DLGAP2: variants seen among roughly 807,000 people sequenced by gnomAD.
DLGAP2 encodes the protein DLG associated protein 2.
In DLGAP2, 26 loss-of-function variants were observed where a neutral mutation model predicts 100.3. The ratio of observed to expected loss-of-function variants is 0.26; its 90% CI spans 0.19 to 0.36. The LOEUF is 0.36. Among genes scored for constraint, DLGAP2 ranks in the 10% least tolerant of loss-of-function variants. DLGAP2 has a pLI of 1.00. For synonymous variants in DLGAP2, 886 were observed against 630.1 expected, an observed-to-expected ratio of 1.41 and a Z score of -6.08; for missense variants, 1,858 against 1,453.2, an observed-to-expected ratio of 1.28 and a Z score of -4.53.
At chr8:1,103,818 G>T (rs897276694) in intron 2 of DLGAP2, among the ~76,000 whole-genome samples, 27 of 152,202 alleles carry the variant, frequency 1.8e-4, no homozygotes, top group African/African-American at 6.3e-4. Flanking sequence ...ATGACTGGCA[G>T]GTGTCTGCTG....
At chr8:1,369,562 TG>T (rs1802188707) in intron 3 of DLGAP2, 1 of 152,214 alleles carries the variant, frequency 6.6e-6, no homozygotes, top group Non-Finnish European at 1.5e-5. Flanking sequence ...TGGCCTCCAG[TG>T]TAAATTCTCG....
Position 1,702,147 on chromosome 8 carries a change from CAGAGAGG to C in DLGAP2, c.*746_*752del, listed in dbSNP as rs1476597892. On this transcript the variant is annotated 3_prime_UTR_variant, in exon 15 of 15. Coordinates refer to ENST00000637795, the MANE Select transcript of DLGAP2 (RefSeq NM_001346810.2). ...AGTGTTCCCACCAGGAAGTCACGCG[CAGAGAGG>C]AGAGTCTTACGGAGGGCTGGGAGCT... is the stretch of plus-strand genomic sequence containing the variant. The C allele has an allele frequency of 6.6e-6, 1 of 152,178 alleles. No homozygotes were observed. The highest frequency in any genetic ancestry group is 1.5e-5 in the Non-Finnish European group (1 of 68,042). 9.4% of individuals were successfully genotyped at this position (152,178 alleles called of 1,614,324 possible). A position where few individuals can be genotyped will look rare whatever the true frequency, so the allele number is the denominator to read the frequency against.
At chr8:973,355 A>C (rs1199031822) in intron 2 of DLGAP2, among the ~76,000 whole-genome samples, 1 of 150,358 alleles carries the variant, frequency 6.7e-6, no homozygotes, top group African/African-American at 2.5e-5. Context: ...CACTTCCCAG[A>C]CGGGGTGGCT....
At chr8:1,226,046 G>T (rs1798409257) in intron 2 of DLGAP2, among the ~76,000 whole-genome samples, 1 of 151,954 alleles carries the variant, frequency 6.6e-6, no homozygotes, top group Middle Eastern at 3.2e-3. Context: ...TATGGAAGAG[G>T]AATTGCTGAG....
chr8:1,678,112 C>T, intron 11 of DLGAP2, 102 bp from the exon 12 acceptor site: 1 of 1,346,244 alleles, frequency 7.4e-7, no homozygotes, highest in Non-Finnish European at 1.0e-6. Flanking sequence ...AGCCGCCAGG[C>T]TGTTGAGCTC....
chr8:1,273,031 C>T (rs1310286594), intron 3 of DLGAP2, among the ~76,000 whole-genome samples: 3 of 152,166 alleles, frequency 2.0e-5, no homozygotes, highest in Admixed American at 6.5e-5. Context: ...TGAATATCTC[C>T]AACAAAGTCC....
intron 1 of DLGAP2, among the ~76,000 whole-genome samples, chr8:842,425 G>A (rs193070072): frequency 6.6e-6 from 1 of 152,204 alleles, no homozygotes; most frequent in Non-Finnish European, 1.5e-5. Flanking sequence ...ACAGGCACGT[G>A]CTTGAATCTG....
At chr8:1,421,215 T>G (rs1258807574) in intron 3 of DLGAP2, among the ~76,000 whole-genome samples, 1 of 152,206 alleles carries the variant, frequency 6.6e-6, no homozygotes, top group Non-Finnish European at 1.5e-5. Flanking sequence ...TCTGAGTGTT[T>G]CATGTTGTGT....
At chr8:1,046,202 T>A (rs1465872994) in intron 2 of DLGAP2, among the ~76,000 whole-genome samples, 1 of 152,202 alleles carries the variant, frequency 6.6e-6, no homozygotes, top group Non-Finnish European at 1.5e-5. Context: ...TTTATTTTCC[T>A]ACTGCCTTCA....
rs1360631684 is a variant in DLGAP2 at position 947,905 on chromosome 8, C to A, written c.73+39939C>A. 3.3e-5 allele frequency among the ~76,000 whole-genome samples: 5 copies of A among 150,060 alleles called. No individual in the cohort carries two copies. The East Asian group carries it at 9.9e-4, about 30-fold the overall frequency. On this transcript the variant is annotated intron_variant, in intron 2 of 14. Transcript: ENST00000637795. ...CCAGCCCGTGTGGGCCATGGCCCCA[C>A]CGAACCCGTGCCAACCCGCGTGTGC...
At chr8:1,685,924 C>G (rs1167497620) in intron 12 of DLGAP2, among the ~76,000 whole-genome samples, 1 of 152,068 alleles carries the variant, frequency 6.6e-6, no homozygotes, top group Non-Finnish European at 1.5e-5. Context: ...GACAAAAAAA[C>G]AGCAAATGCT....
At chr8:1,680,106 C>T (rs886727992) in intron 12 of DLGAP2, among the ~76,000 whole-genome samples, 2 of 152,012 alleles carry the variant, frequency 1.3e-5, no homozygotes, top group Admixed American at 1.3e-4. Flanking sequence ...TGCACAATAC[C>T]TACAACTAAT....
In DLGAP2 at chr8:1,353,431, A is replaced by G. The variant is rs79794238; in HGVS notation, c.106+94548A>G. ...CCATGGTCAATGAATTATGTAAGGT[A>G]TTCACTTTATGATGAAATAGGCTTT... On this transcript the variant is annotated intron_variant, in intron 3 of 14. Transcript: ENST00000637795. 5.7e-3 allele frequency among the ~76,000 whole-genome samples: 861 copies of G among 152,348 alleles called. 5 individuals carry two copies. The highest frequency in any genetic ancestry group is 0.02 in the African/African-American group (833 of 41,582).
At chr8:1,520,953 C>G (rs572794170) in intron 4 of DLGAP2, among the ~76,000 whole-genome samples, 1 of 152,336 alleles carries the variant, frequency 6.6e-6, no homozygotes, top group African/African-American at 2.4e-5. Context: ...AGTGGCTGCA[C>G]CGCTTTGCAC....
intron 8 of DLGAP2, among the ~76,000 whole-genome samples, chr8:1,638,711 G>C (rs994259763): frequency 6.6e-6 from 1 of 152,170 alleles, no homozygotes; most frequent in African/African-American, 2.4e-5. Flanking sequence ...TCCTGCCCCA[G>C]CCGTGGATGA....
intron 1 of DLGAP2, among the ~76,000 whole-genome samples, chr8:845,104 G>A (rs755180636): frequency 6.6e-6 from 1 of 152,156 alleles, no homozygotes; most frequent in East Asian, 1.9e-4. Context: ...ACTGATTGTT[G>A]TGAATAATTC....
chr8:1,235,382 C>G (rs1380798534), intron 2 of DLGAP2, among the ~76,000 whole-genome samples: 4 of 150,932 alleles, frequency 2.7e-5, no homozygotes, highest in African/African-American at 9.7e-5. Context: ...TTCCCTCACA[C>G]ATGGCGTTGT....
rs1796598780 is a variant in DLGAP2, at chr8:1,145,948, A to AT, written c.74-112897dup. 2.0e-5 allele frequency among the ~76,000 whole-genome samples: 3 copies of AT among 151,792 alleles called. No individual in the cohort carries two copies. The South Asian group carries it at 6.3e-4, about 32-fold the overall frequency. On this transcript the variant is annotated intron_variant, in intron 2 of 14. Transcript: ENST00000637795. ...TCCCTACAAAGGACATGAACTCATC[A>AT]TTTTTTATGGCTGCATAGTATTCCA...
At chr8:1,222,871 A>T (rs543503431) in intron 2 of DLGAP2, among the ~76,000 whole-genome samples, 1 of 152,200 alleles carries the variant, frequency 6.6e-6, no homozygotes, top group South Asian at 2.1e-4. Context: ...TTCAGATCAG[A>T]CTGGCTGCAT....
Sources: gnomAD v4.1 joint callset for allele counts (sites outside exome capture counted in the v4.1 genomes callset) on GRCh38, gnomAD v4.1.1 for gene constraint, MANE v1.5 for transcripts, NCBI Gene and HGNC (gene_info 2026-07-23, HGNC 2026-07-21) for gene names.